The following PCDH15 variants were observed in gnomAD, a reference collection of about 807,000 sequenced individuals.
PCDH15 encodes protocadherin related 15.
A neutral mutation model predicts 178.5 loss-of-function variants in PCDH15; 129 were observed. The ratio of observed to expected loss-of-function variants is 0.72; its 90% CI spans 0.63 to 0.84. The LOEUF is 0.84. Ranked by LOEUF, PCDH15 falls within the 40% of genes least tolerant of loss-of-function variation. The pLI is 0.00. For synonymous variants in PCDH15, 800 were observed against 732.0 expected (o/e 1.09, Z -1.50); for missense variants, 2,230 against 2,099.9 (o/e 1.06, Z -1.21).
intron 32 of PCDH15, among the ~76,000 whole-genome samples, chr10:53,825,459 T>C (rs950193214): frequency 1.3e-5 from 2 of 151,798 alleles, no homozygotes; most frequent in African/African-American, 4.8e-5. Context: ...ATAAAAATTT[T>C]AAATGAGAGT....
chr10:53,860,792 T>C (rs1190273270), intron 27 of PCDH15, among the ~76,000 whole-genome samples: 3 of 151,492 alleles, frequency 2.0e-5, no homozygotes, highest in African/African-American at 4.8e-5. Flanking sequence ...GGAGCTAACA[T>C]TTAAGGTATC....
intron 26 of PCDH15, 88 bp downstream of exon 26, chr10:53,903,155 T>C: frequency 6.8e-7 from 1 of 1,463,780 alleles, no homozygotes; most frequent in Non-Finnish European, 9.5e-7. Context: ...AGCATAAGTA[T>C]GCAGTTAATG....
At chr10:54,070,138 G>A (rs2094211667) in intron 17 of PCDH15, among the ~76,000 whole-genome samples, 1 of 152,034 alleles carries the variant, frequency 6.6e-6, no homozygotes, top group Non-Finnish European at 1.5e-5. Context: ...ATTTCCTTTT[G>A]TAATATCATA....
At chr10:55,450,571 A>G (rs73261626) in intron 2 of PCDH15, among the ~76,000 whole-genome samples, 2,173 of 152,244 alleles carry the variant, frequency 0.014, 46 homozygotes, top group African/African-American at 0.05. Flanking sequence ...AAGACATCAA[A>G]TGTTGTACAA....
chr10:54,504,267 C>G (rs1043073655), intron 3 of PCDH15, among the ~76,000 whole-genome samples: 2 of 152,020 alleles, frequency 1.3e-5, no homozygotes, highest in Non-Finnish European at 2.9e-5. Flanking sequence ...GCCCTAAACA[C>G]CCTGCTATTT....
chr10:55,066,210 T>C (rs1841560575), intron 2 of PCDH15, among the ~76,000 whole-genome samples: 1 of 149,772 alleles, frequency 6.7e-6, no homozygotes, highest in Admixed American at 6.6e-5. Flanking sequence ...TTAATATCTG[T>C]TTCTTTCACC....
At chr10:54,537,027 G>GTC (rs1565535913) in intron 2 of PCDH15, among the ~76,000 whole-genome samples, 6 of 113,108 alleles carry the variant, frequency 5.3e-5, no homozygotes, top group African/African-American at 2.2e-4. Context: ...TTGAGACGGC[G>GTC]TCTCTCTCTC....
chr10:55,016,098 TAAAAA>T (rs199893494), intron 2 of PCDH15, among the ~76,000 whole-genome samples: 11,462 of 115,572 alleles, frequency 0.099, 607 homozygotes, highest in Middle Eastern at 0.15. Flanking sequence ...CTTTTTTTTT[TAAAAA>T]AAAAAAAAAA....
chr10:55,616,481 TGA>T (rs1375032319), intron 2 of PCDH15, among the ~76,000 whole-genome samples: 4 of 151,196 alleles, frequency 2.6e-5, no homozygotes, highest in African/African-American at 7.3e-5. Context: ...CTTTATTTTT[TGA>T]GTTTTCATTA....
chr10:53,842,502 C>A (rs1339551578), intron 28 of PCDH15, among the ~76,000 whole-genome samples: 1 of 152,136 alleles, frequency 6.6e-6, no homozygotes, highest in Non-Finnish European at 1.5e-5. Flanking sequence ...CCGCCTCGGC[C>A]TTTCAAAGTG....
chr10:54,652,298 G>T (rs959372039), intron 2 of PCDH15, among the ~76,000 whole-genome samples: 3 of 152,064 alleles, frequency 2.0e-5, no homozygotes, highest in African/African-American at 7.2e-5. Flanking sequence ...GACTCAGCTG[G>T]AGTCTCAGAG....
At chr10:54,153,994 T>A (rs1162868387) in intron 13 of PCDH15, among the ~76,000 whole-genome samples, 1 of 152,186 alleles carries the variant, frequency 6.6e-6, no homozygotes, top group Non-Finnish European at 1.5e-5. Flanking sequence ...CCCTTGAAAT[T>A]AAGCATGTAA....
Position 54,924,020 on chromosome 10 carries a change from T to TA in PCDH15, c.-79-26521dup, listed in dbSNP as rs1254382291. Among the ~76,000 whole-genome samples the TA allele has an allele frequency of 8.8e-5, 12 of 135,992 alleles. 2 individuals carry two copies. The highest frequency in any genetic ancestry group is 2.2e-4 in the Admixed American group (3 of 13,934). 89.2% of individuals were successfully genotyped at this position (135,992 alleles called of 152,430 possible). A position where few individuals can be genotyped will look rare whatever the true frequency, so the allele number is the denominator to read the frequency against. ...AACTATCTGAGACTGGTCCTTTATA[T>TA]AAAAAAAGAGAGTGAAATTTAACTC... On this transcript the variant is annotated intron_variant, in intron 2 of 5. Coordinates refer to the PCDH15 transcript ENST00000458638.
chr10:53,965,220 G>C (rs2088878031), intron 21 of PCDH15, among the ~76,000 whole-genome samples: 1 of 151,864 alleles, frequency 6.6e-6, no homozygotes. Flanking sequence ...ACCATGCCCG[G>C]CTAATTTTTT....
intron 13 of PCDH15, among the ~76,000 whole-genome samples, chr10:54,171,438 T>C (rs1046291918): frequency 7.9e-5 from 12 of 152,064 alleles, no homozygotes; most frequent in African/African-American, 2.9e-4. Context: ...TAAGCCCCAG[T>C]CTCATTCCAG....
intron 3 of PCDH15, among the ~76,000 whole-genome samples, chr10:54,471,145 G>GA (rs1326539354): frequency 6.6e-6 from 1 of 152,100 alleles, no homozygotes; most frequent in South Asian, 2.1e-4. Context: ...AAGCAAGCTA[G>GA]AAAAAATGTT....
At chr10:55,501,696 G>T (rs568851944) in intron 2 of PCDH15, among the ~76,000 whole-genome samples, 70 of 151,786 alleles carry the variant, frequency 4.6e-4, no homozygotes, top group African/African-American at 1.6e-3. Flanking sequence ...TACAAGTTTG[G>T]AGTAGTTATG....
chr10:54,843,430 A>T (rs1953452855), intron 3 of PCDH15, among the ~76,000 whole-genome samples: 1 of 151,968 alleles, frequency 6.6e-6, no homozygotes, highest in Non-Finnish European at 1.5e-5. Flanking sequence ...TGCATTTATA[A>T]TTAGAAAACA....
At chr10:54,475,083 C>T (rs527529068) in intron 3 of PCDH15, among the ~76,000 whole-genome samples, 16 of 151,770 alleles carry the variant, frequency 1.1e-4, no homozygotes, top group African/African-American at 3.6e-4. Flanking sequence ...CTACTTACAA[C>T]AAAGAACAAA....
Sources: allele counts gnomAD v4.1 joint callset (sites outside exome capture counted in the v4.1 genomes callset), GRCh38; gene constraint gnomAD v4.1.1; transcripts MANE v1.5; gene names NCBI Gene and HGNC (gene_info 2026-07-23, HGNC 2026-07-21).